The following GNA14 variants were observed in gnomAD, a reference collection of about 807,000 sequenced individuals.
GNA14 encodes the protein guanine nucleotide-binding protein subunit alpha-14.
GNA14 carries 50 observed loss-of-function variants against 42.0 expected under a neutral mutation model. That is an observed-to-expected ratio of 1.19 (90% CI 0.95 to 1.51). The LOEUF is 1.51. GNA14 is among the 40% of genes most tolerant of loss of function. GNA14 has a pLI of 0.00. For synonymous variants in GNA14, 173 were observed against 163.1 expected, an observed-to-expected ratio of 1.06 and a Z score of -0.46; for missense variants, 473 against 446.2, an observed-to-expected ratio of 1.06 and a Z score of -0.54.
chr9:77,456,680 A>AG, intron 2 of GNA14, among the ~76,000 whole-genome samples: 1 of 152,228 alleles, frequency 6.6e-6, no homozygotes, highest in African/African-American at 2.4e-5. Context: ...ACAGAGTATG[A>AG]AAAACTAGAG....
chr9:77,440,297 G>A (rs1053979987), intron 2 of GNA14, among the ~76,000 whole-genome samples: 2 of 152,206 alleles, frequency 1.3e-5, no homozygotes, highest in African/African-American at 2.4e-5. Flanking sequence ...GCAGGGATCC[G>A]TGGCTGCCGG....
intron 1 of GNA14, among the ~76,000 whole-genome samples, chr9:77,584,172 C>A (rs1480322684): frequency 6.6e-6 from 1 of 152,154 alleles, no homozygotes; most frequent in Non-Finnish European, 1.5e-5. Context: ...TGCCAAGAAA[C>A]TGCGAAAGGT....
At chr9:77,559,377 T>G (rs1186552045) in intron 1 of GNA14, among the ~76,000 whole-genome samples, 1 of 151,662 alleles carries the variant, frequency 6.6e-6, no homozygotes, top group East Asian at 1.9e-4. Flanking sequence ...AAGGTGCAAG[T>G]GAGATAAAGG....
chr9:77,607,150 T>C (rs1587846096), intron 1 of GNA14, among the ~76,000 whole-genome samples: 1 of 152,192 alleles, frequency 6.6e-6, no homozygotes, highest in East Asian at 1.9e-4. Flanking sequence ...TGTAAAATAA[T>C]GGATTTGCAC....
At chr9:77,607,752 G>C (rs34888607) in intron 1 of GNA14, among the ~76,000 whole-genome samples, 2,964 of 152,178 alleles carry the variant, frequency 0.019, 69 homozygotes, top group African/African-American at 0.059. Context: ...TTAGTTCCTG[G>C]TTAGGGCCTG....
At chr9:77,451,462 T>C (rs1247327270) in intron 2 of GNA14, among the ~76,000 whole-genome samples, 2 of 152,186 alleles carry the variant, frequency 1.3e-5, no homozygotes, top group Non-Finnish European at 2.9e-5. Context: ...AATGCCACTA[T>C]TGATAAAGAG....
intron 1 of GNA14, among the ~76,000 whole-genome samples, chr9:77,567,738 A>G (rs375241803): frequency 6.6e-6 from 1 of 152,120 alleles, no homozygotes; most frequent in Non-Finnish European, 1.5e-5. Flanking sequence ...GTGGTGGTGC[A>G]CGCCTGTAGT....
intron 1 of GNA14, among the ~76,000 whole-genome samples, chr9:77,548,566 A>G (rs1472129631): frequency 6.6e-6 from 1 of 152,212 alleles, no homozygotes; most frequent in Admixed American, 6.5e-5. Context: ...ACAGAAATGA[A>G]AAGAATAATA....
intron 2 of GNA14, among the ~76,000 whole-genome samples, chr9:77,526,173 A>G (rs1034197774): frequency 6.7e-6 from 1 of 149,566 alleles, no homozygotes; most frequent in African/African-American, 2.5e-5. Context: ...TCGGCCTCCC[A>G]AAGTACTGGG....
chr9:77,535,702 A>T (rs1837588679), intron 1 of GNA14, among the ~76,000 whole-genome samples: 1 of 152,176 alleles, frequency 6.6e-6, no homozygotes, highest in Admixed American at 6.5e-5. Flanking sequence ...GCCCCTTGTC[A>T]GGTCTAATAA....
intron 2 of GNA14, among the ~76,000 whole-genome samples, chr9:77,523,136 A>C (rs1026082818): frequency 3.3e-5 from 5 of 152,220 alleles, no homozygotes; most frequent in Non-Finnish European, 5.9e-5. Context: ...AATGGCAGGC[A>C]AAATAATCCC....
At chr9:77,466,869 A>G (rs756927355) in intron 2 of GNA14, among the ~76,000 whole-genome samples, 1 of 151,974 alleles carries the variant, frequency 6.6e-6, no homozygotes, top group Non-Finnish European at 1.5e-5. Context: ...GAGCCTCTGA[A>G]GTCTCTGCTT....
At chr9:77,622,868 T>C (rs1268896963) in intron 1 of GNA14, among the ~76,000 whole-genome samples, 1 of 146,498 alleles carries the variant, frequency 6.8e-6, no homozygotes, top group East Asian at 2.0e-4. Context: ...CACTCCATCC[T>C]GGGTGACAGA....
intron 1 of GNA14, among the ~76,000 whole-genome samples, chr9:77,632,437 C>T (rs1294158752): frequency 1.3e-5 from 2 of 152,166 alleles, no homozygotes; most frequent in Non-Finnish European, 2.9e-5. Flanking sequence ...CACCCATGGA[C>T]CAATCGGTGC....
At chr9:77,625,803 G>A (rs965982422) in intron 1 of GNA14, among the ~76,000 whole-genome samples, 8 of 152,198 alleles carry the variant, frequency 5.3e-5, no homozygotes, top group South Asian at 2.1e-4. Context: ...AAAGAATAAC[G>A]ACACTATTAA....
chr9:77,527,486 T>C (rs915335450), intron 2 of GNA14, among the ~76,000 whole-genome samples: 1 of 152,118 alleles, frequency 6.6e-6, no homozygotes, highest in African/African-American at 2.4e-5. Flanking sequence ...CAGAATGAGA[T>C]TTTTTGCAAT....
At chr9:77,534,637 C>G (rs1837572288) in intron 1 of GNA14, among the ~76,000 whole-genome samples, 1 of 152,188 alleles carries the variant, frequency 6.6e-6, no homozygotes, top group Non-Finnish European at 1.5e-5. Flanking sequence ...GAAGTCAGAA[C>G]AAGAATGAGC....
chr9:77,456,847 T>G (rs60131582), intron 2 of GNA14, among the ~76,000 whole-genome samples: 4,300 of 152,240 alleles, frequency 0.028, 209 homozygotes, highest in African/African-American at 0.097. Context: ...CAGCTAATAA[T>G]TATTGTCAGA....
At chr9:77,597,593 G>A (rs559791489) in intron 1 of GNA14, among the ~76,000 whole-genome samples, 8 of 151,664 alleles carry the variant, frequency 5.3e-5, no homozygotes, top group Admixed American at 1.3e-4. Flanking sequence ...TTCAGTGCTC[G>A]TCTTGGTATT....
Sources: gnomAD v4.1 joint callset for allele counts (sites outside exome capture counted in the v4.1 genomes callset) on GRCh38, gnomAD v4.1.1 for gene constraint, MANE v1.5 for transcripts, NCBI Gene and HGNC (gene_info 2026-07-23, HGNC 2026-07-21) for gene names.